The following RBPMS variants were observed in gnomAD, a reference collection of about 807,000 sequenced individuals.
The protein encoded by RBPMS is RNA binding protein, mRNA processing factor.
A neutral mutation model predicts 26.8 loss-of-function variants in RBPMS; 7 were observed. The ratio of observed to expected loss-of-function variants is 0.26; its 90% CI spans 0.15 to 0.49. The LOEUF (loss-of-function observed/expected upper bound fraction) is 0.49, where lower values mean the gene tolerates loss of function less well. Ranked by LOEUF, RBPMS falls within the 20% of genes least tolerant of loss-of-function variation. The pLI is 0.98. For missense variants in RBPMS, 186 were observed against 250.0 expected (o/e 0.74, Z 1.73); for synonymous variants, 96 against 93.3 (o/e 1.03, Z -0.17).
At chr8:30,532,606 G>A (rs1824352189) in intron 5 of RBPMS, among the ~76,000 whole-genome samples, 1 of 152,192 alleles carries the variant, frequency 6.6e-6, no homozygotes, top group Admixed American at 6.5e-5. Flanking sequence ...ACACCGGTTT[G>A]ACTTTCAGGT....
At chr8:30,556,374 G>A (rs1026264656) in intron 6 of RBPMS, 17 of 985,602 alleles carry the variant, frequency 1.7e-5, no homozygotes, top group Non-Finnish European at 2.0e-5. Flanking sequence ...GCAGGCACCT[G>A]TGCGAGTGAG....
At chr8:30,434,776 AACAC>A (rs33991199) in intron 1 of RBPMS, among the ~76,000 whole-genome samples, 6 of 147,420 alleles carry the variant, frequency 4.1e-5, no homozygotes, top group East Asian at 2.0e-4. Context: ...ATTCCCATAT[AACAC>A]ACACACACAC....
At chr8:30,388,385 T>A (rs1467046143) in intron 1 of RBPMS, among the ~76,000 whole-genome samples, 1 of 151,114 alleles carries the variant, frequency 6.6e-6, no homozygotes, top group Non-Finnish European at 1.5e-5. Context: ...ATCAAGACCT[T>A]TTCTGTCTTA....
At chr8:30,473,512 C>G (rs1817363097) in intron 1 of RBPMS, among the ~76,000 whole-genome samples, 1 of 152,154 alleles carries the variant, frequency 6.6e-6, no homozygotes, top group Non-Finnish European at 1.5e-5. Context: ...GTGCCTTAAA[C>G]ACAGTGGGTG....
chr8:30,480,809 A>G (rs1348260454), intron 4 of RBPMS, among the ~76,000 whole-genome samples: 3 of 152,252 alleles, frequency 2.0e-5, no homozygotes, highest in Non-Finnish European at 2.9e-5. Context: ...GTAGAACCAC[A>G]ATTTCAATTT....
At chr8:30,420,933 C>T (rs1164780652) in intron 1 of RBPMS, among the ~76,000 whole-genome samples, 1 of 152,034 alleles carries the variant, frequency 6.6e-6, no homozygotes, top group Non-Finnish European at 1.5e-5. Flanking sequence ...AACTTTCAGT[C>T]AATTGACAGG....
chr8:30,428,256 C>T (rs922006466), intron 1 of RBPMS, among the ~76,000 whole-genome samples: 2 of 151,786 alleles, frequency 1.3e-5, no homozygotes, highest in South Asian at 2.1e-4. Context: ...CTCTTGACCT[C>T]GTAATCCGCC....
intron 1 of RBPMS, among the ~76,000 whole-genome samples, chr8:30,453,311 A>G (rs1284309233): frequency 6.6e-6 from 1 of 152,190 alleles, no homozygotes; most frequent in Non-Finnish European, 1.5e-5. Context: ...AGATCTACTA[A>G]ATCAGAATCT....
intron 7 of RBPMS, chr8:30,565,383 G>C (rs1208109044): frequency 6.6e-6 from 1 of 152,232 alleles, no homozygotes; most frequent in Non-Finnish European, 1.5e-5. Flanking sequence ...ACAGTCCGCA[G>C]CAGTATGTTA....
At chr8:30,517,336 T>C (rs1585734449) in intron 5 of RBPMS, among the ~76,000 whole-genome samples, 1 of 152,100 alleles carries the variant, frequency 6.6e-6, no homozygotes, top group East Asian at 1.9e-4. Flanking sequence ...TAATGTAATC[T>C]GTGCAAACTC....
At chr8:30,550,893 G>T (rs146879156) in intron 6 of RBPMS, among the ~76,000 whole-genome samples, 1 of 152,254 alleles carries the variant, frequency 6.6e-6, no homozygotes, top group South Asian at 2.1e-4. Flanking sequence ...ACACAAACCC[G>T]CTGTCCCTGA....
At chr8:30,479,779 T>A (rs974724205) in intron 4 of RBPMS, among the ~76,000 whole-genome samples, 3 of 151,146 alleles carry the variant, frequency 2.0e-5, no homozygotes, top group African/African-American at 7.3e-5. Flanking sequence ...GCTTTTTTTA[T>A]TTCATGAGGC....
intron 5 of RBPMS, among the ~76,000 whole-genome samples, chr8:30,536,129 T>TC (rs1366639415): frequency 3.6e-4 from 16 of 43,958 alleles, no homozygotes; most frequent in South Asian, 3.3e-3. Flanking sequence ...CATCTCTCTC[T>TC]TTTTTTTTTT....
At chr8:30,505,183 T>C (rs1820957198) in intron 5 of RBPMS, among the ~76,000 whole-genome samples, 1 of 152,238 alleles carries the variant, frequency 6.6e-6, no homozygotes, top group Admixed American at 6.5e-5. Flanking sequence ...AGGCCTTAAC[T>C]TCTCCTTTCA....
At chr8:30,514,358 CTATGGT>C (rs1822056477) in intron 5 of RBPMS, among the ~76,000 whole-genome samples, 1 of 152,012 alleles carries the variant, frequency 6.6e-6, no homozygotes. Flanking sequence ...CACTCATAAA[CTATGGT>C]TATTCAGAGT....
At chr8:30,559,325 T>C (rs1246925238) in intron 7 of RBPMS, among the ~76,000 whole-genome samples, 1 of 152,262 alleles carries the variant, frequency 6.6e-6, no homozygotes, top group Non-Finnish European at 1.5e-5. Context: ...AGTCATCCAC[T>C]AATTTACACA....
At chr8:30,556,367 G>A in intron 6 of RBPMS, 1 of 985,680 alleles carries the variant, frequency 1.0e-6, no homozygotes, top group Non-Finnish European at 1.2e-6. Flanking sequence ...CAACCCTGCA[G>A]GCACCTGTGC....
intron 6 of RBPMS, chr8:30,544,834 G>A: frequency 6.5e-7 from 1 of 1,532,762 alleles, no homozygotes; most frequent in East Asian, 2.4e-5. Flanking sequence ...CCTGATGTTT[G>A]CCCCAAATGA....
intron 4 of RBPMS, among the ~76,000 whole-genome samples, chr8:30,494,724 T>C (rs1819746588): frequency 6.6e-6 from 1 of 152,236 alleles, no homozygotes; most frequent in Non-Finnish European, 1.5e-5. Flanking sequence ...ATGGTACTCC[T>C]AGACACCTAG....
Sources: allele counts gnomAD v4.1 joint callset (sites outside exome capture counted in the v4.1 genomes callset), GRCh38; gene constraint gnomAD v4.1.1; transcripts MANE v1.5; gene names NCBI Gene and HGNC (gene_info 2026-07-23, HGNC 2026-07-21).